The following AGBL4 variants were observed in gnomAD, a reference collection of about 807,000 sequenced individuals.
AGBL4 encodes cytosolic carboxypeptidase 6.
Under a neutral mutation model 66.4 loss-of-function variants are expected in AGBL4, and 58 were observed. The observed-to-expected ratio is 0.87, with a 90% confidence interval of 0.71 to 1.09. The LOEUF is 1.09. Ranked by LOEUF, AGBL4 falls within the 50% of genes least tolerant of loss-of-function variation. The pLI, the probability that AGBL4 is intolerant of heterozygous loss-of-function variation, is 0.00. For synonymous variants in AGBL4, 234 were observed against 222.9 expected, an observed-to-expected ratio of 1.05 and a Z score of -0.44; for missense variants, 579 against 631.0, an observed-to-expected ratio of 0.92 and a Z score of 0.88.
intron 1 of AGBL4, among the ~76,000 whole-genome samples, chr1:49,975,264 G>A (rs1363718562): frequency 6.6e-6 from 1 of 152,118 alleles, no homozygotes. Flanking sequence ...CAGTACTGTT[G>A]GGTATAATGA....
intron 5 of AGBL4, among the ~76,000 whole-genome samples, chr1:48,967,902 T>C (rs1658574302): frequency 1.3e-5 from 2 of 152,114 alleles, no homozygotes; most frequent in Admixed American, 1.3e-4. Context: ...AGTTACTAAT[T>C]TATAATCAGG....
intron 1 of AGBL4, among the ~76,000 whole-genome samples, chr1:49,852,393 C>T (rs1369313549): frequency 6.6e-6 from 1 of 152,108 alleles, no homozygotes; most frequent in Non-Finnish European, 1.5e-5. Flanking sequence ...GAGTGTGGAA[C>T]TACTGAGTCA....
At chr1:48,792,297 A>C (rs1424208897) in intron 6 of AGBL4, among the ~76,000 whole-genome samples, 1 of 152,198 alleles carries the variant, frequency 6.6e-6, no homozygotes, top group East Asian at 1.9e-4. Flanking sequence ...CCAGAATCTC[A>C]GTGGGAGCAT....
chr1:48,579,012 A>G (rs902519448), intron 11 of AGBL4, among the ~76,000 whole-genome samples: 4 of 152,072 alleles, frequency 2.6e-5, no homozygotes, highest in African/African-American at 9.7e-5. Flanking sequence ...AGAAAAATCT[A>G]TGTTGAGTCT....
At chr1:48,709,011 C>T (rs888932031) in intron 6 of AGBL4, among the ~76,000 whole-genome samples, 4 of 152,350 alleles carry the variant, frequency 2.6e-5, no homozygotes, top group South Asian at 2.1e-4. Flanking sequence ...GGACTCTTAT[C>T]TCCTTCTCAC....
intron 1 of AGBL4, among the ~76,000 whole-genome samples, chr1:49,941,257 G>A (rs1654731275): frequency 6.6e-6 from 1 of 152,130 alleles, no homozygotes; most frequent in South Asian, 2.1e-4. Context: ...CCAAACATTT[G>A]CAGAAGTAAT....
intron 4 of AGBL4, among the ~76,000 whole-genome samples, chr1:49,237,422 T>C (rs1650847533): frequency 6.6e-6 from 1 of 151,030 alleles, no homozygotes; most frequent in Non-Finnish European, 1.5e-5. Context: ...CCACTAAACC[T>C]CTTCTTCTTC....
At position 49,547,434 on chromosome 1, in the gene AGBL4, T is replaced by G. The variant is rs186129281; in HGVS notation, c.282+149879A>C. Among the ~76,000 whole-genome samples, 252 of 152,336 alleles carry G rather than the reference T, an allele frequency of 1.7e-3. 1 individual carries two copies. The highest frequency in any genetic ancestry group is 5.9e-3 in the African/African-American group (245 of 41,588). On this transcript the variant is annotated intron_variant, in intron 3 of 13. Transcript: ENST00000371839. Reference sequence around the variant, plus strand: ...TATAGCATAGTTTGAAATCAGGTAGTGTGATGCTTCCAGATTTGTTCTTTT... The same window carrying G: ...TATAGCATAGTTTGAAATCAGGTAGGGTGATGCTTCCAGATTTGTTCTTTT...
intron 5 of AGBL4, among the ~76,000 whole-genome samples, chr1:48,891,855 T>A (rs1651005783): frequency 1.3e-5 from 2 of 152,106 alleles, no homozygotes; most frequent in South Asian, 4.1e-4. Flanking sequence ...AACCCTGAAC[T>A]TTTTTCATTA....
intron 4 of AGBL4, among the ~76,000 whole-genome samples, chr1:49,185,247 A>T (rs536665290): frequency 4.6e-5 from 7 of 152,208 alleles, no homozygotes; most frequent in Non-Finnish European, 1.0e-4. Flanking sequence ...GACATAACAG[A>T]TTCTACAGAA....
chr1:48,934,089 T>C lies in AGBL4; in HGVS notation c.595-66859A>G, dbSNP rs540016176. 3.2e-4 allele frequency among the ~76,000 whole-genome samples: 48 copies of C among 152,332 alleles called. No homozygotes were observed. In the South Asian group the frequency reaches 9.9e-3, roughly 32 times the overall value. The stretch of plus-strand genomic sequence containing the variant: ...CTACAGAAAGGTTTAATTCCCATTC[T>C]TTTCCCTAATGTTTATCTAATGGTA... On this transcript the variant is annotated intron_variant, in intron 5 of 13. Coordinates refer to ENST00000371839, the MANE Select transcript of AGBL4 (RefSeq NM_032785.4).
chr1:49,124,295 AG>A (rs1645721634), intron 4 of AGBL4, among the ~76,000 whole-genome samples: 1 of 152,208 alleles, frequency 6.6e-6, no homozygotes, highest in African/African-American at 2.4e-5. Context: ...CTCTATAATC[AG>A]CAGAATGAAG....
At chr1:49,181,259 C>T (rs1646926515) in intron 4 of AGBL4, among the ~76,000 whole-genome samples, 3 of 152,178 alleles carry the variant, frequency 2.0e-5, no homozygotes, top group Admixed American at 2.0e-4. Context: ...CCATGGATGG[C>T]CTCCTTCCTT....
At chr1:49,831,181 C>T (rs1046760697) in intron 2 of AGBL4, among the ~76,000 whole-genome samples, 36 of 152,150 alleles carry the variant, frequency 2.4e-4, no homozygotes, top group Non-Finnish European at 4.6e-4. Flanking sequence ...AGCACTGAAT[C>T]TATAAATTAC....
intron 4 of AGBL4, among the ~76,000 whole-genome samples, chr1:49,207,495 T>TCTC (rs1228454415): frequency 3.7e-4 from 56 of 149,700 alleles, no homozygotes; most frequent in African/African-American, 1.2e-3. Flanking sequence ...TTTCTTTCTT[T>TCTC]TCTTTCTTTC....
intron 3 of AGBL4, among the ~76,000 whole-genome samples, chr1:49,383,009 C>A (rs1326283672): frequency 6.6e-6 from 1 of 152,090 alleles, no homozygotes; most frequent in Non-Finnish European, 1.5e-5. Context: ...TATCAATGAA[C>A]AATCCAAAAT....
chr1:48,976,224 AATGTATTCCTTGG>A (rs1659323878), intron 5 of AGBL4, among the ~76,000 whole-genome samples: 1 of 152,156 alleles, frequency 6.6e-6, no homozygotes, highest in African/African-American at 2.4e-5. Context: ...TAGATAAAAT[AATGTATTCCTTGG>A]ATGTCAGTTA....
intron 3 of AGBL4, among the ~76,000 whole-genome samples, chr1:49,372,594 C>CTTTTCT (rs201562209): frequency 2.7e-5 from 4 of 150,116 alleles, no homozygotes; most frequent in Admixed American, 1.3e-4. Flanking sequence ...TTCTTTCTTT[C>CTTTTCT]TTTTCTTTTT....
intron 4 of AGBL4, among the ~76,000 whole-genome samples, chr1:49,125,506 G>C (rs1370955128): frequency 1.3e-5 from 2 of 152,044 alleles, no homozygotes; most frequent in African/African-American, 4.8e-5. Flanking sequence ...TCATCAAATA[G>C]ATCAAGTGTA....
Sources: allele counts gnomAD v4.1 joint callset (sites outside exome capture counted in the v4.1 genomes callset), GRCh38; gene constraint gnomAD v4.1.1; transcripts MANE v1.5; gene names NCBI Gene and HGNC (gene_info 2026-07-23, HGNC 2026-07-21).